The following EHMT1 variants were observed in gnomAD, a reference collection of about 807,000 sequenced individuals.
EHMT1 encodes euchromatic histone lysine methyltransferase 1.
In EHMT1, 15 loss-of-function variants were observed where a neutral mutation model predicts 147.2. The observed-to-expected ratio is 0.10, with a 90% CI of 0.07 to 0.16. EHMT1 has a LOEUF of 0.16. Ranked by LOEUF, EHMT1 falls within the 10% of genes least tolerant of loss-of-function variation. The pLI is 1.00. For synonymous variants in EHMT1, 795 were observed against 709.6 expected, an observed-to-expected ratio of 1.12 and a Z score of -1.91; for missense variants, 1,587 against 1,772.4, an observed-to-expected ratio of 0.90 and a Z score of 1.88.
chr9:137,742,279 A>T (rs1269517946), intron 4 of EHMT1, among the ~76,000 whole-genome samples: 1 of 143,520 alleles, frequency 7.0e-6, no homozygotes, highest in Admixed American at 7.2e-5. Context: ...TGCACTTTGT[A>T]GAACCAAATT....
chr9:137,692,494 G>T (rs955545889), intron 1 of EHMT1, among the ~76,000 whole-genome samples: 1 of 151,952 alleles, frequency 6.6e-6, no homozygotes, highest in African/African-American at 2.4e-5. Context: ...TCGAACTCCT[G>T]ACCTCAGGTG....
intron 4 of EHMT1, among the ~76,000 whole-genome samples, chr9:137,734,663 G>A (rs1415697912): frequency 1.3e-5 from 2 of 152,238 alleles, no homozygotes; most frequent in Non-Finnish European, 2.9e-5. Flanking sequence ...TTATACTTGA[G>A]ACACTTCTGT....
At chr9:137,708,509 G>T (rs1233959459) in intron 1 of EHMT1, among the ~76,000 whole-genome samples, 1 of 152,132 alleles carries the variant, frequency 6.6e-6, no homozygotes, top group African/African-American at 2.4e-5. Flanking sequence ...TTGTTAGGAA[G>T]ATCTTCCCCA....
In EHMT1 at chr9:137,635,724, G is replaced by A. The variant is rs1031799013; in HGVS notation, c.21+16675G>A. 4.6e-5 allele frequency among the ~76,000 whole-genome samples: 7 copies of A among 151,042 alleles called. No individual in the cohort carries two copies. In the South Asian group the frequency reaches 8.4e-4, roughly 18 times the overall value. On this transcript the variant is annotated intron_variant, in intron 1 of 26. Coordinates refer to ENST00000460843, the MANE Select transcript of EHMT1 (RefSeq NM_024757.5). ...AGTTCCAGCTACTCGGGAGGCTGAG[G>A]CAGGAGAATGGCATGAACCTGGGAG... is the stretch of plus-strand genomic sequence containing the variant.
intron 13 of EHMT1, among the ~76,000 whole-genome samples, chr9:137,778,895 G>T (rs534749553): frequency 7.9e-5 from 12 of 152,366 alleles, no homozygotes; most frequent in African/African-American, 1.7e-4. Flanking sequence ...TACAGTCATG[G>T]TGGAAGGCAA....
At chr9:137,714,558 T>TTG (rs1256429469) in intron 2 of EHMT1, among the ~76,000 whole-genome samples, 3 of 129,272 alleles carry the variant, frequency 2.3e-5, no homozygotes, top group Non-Finnish European at 4.6e-5. Flanking sequence ...TTTGCTCATT[T>TTG]TTTTTTTTTT....
chr9:137,643,583 C>T (rs944813530), intron 1 of EHMT1, among the ~76,000 whole-genome samples: 15 of 151,842 alleles, frequency 9.9e-5, no homozygotes, highest in Admixed American at 3.3e-4. Context: ...CTCCTGACCT[C>T]GTGATCTGCC....
intron 6 of EHMT1, among the ~76,000 whole-genome samples, chr9:137,744,844 A>G (rs959560490): frequency 3.9e-5 from 6 of 152,262 alleles, no homozygotes; most frequent in Non-Finnish European, 7.3e-5. Flanking sequence ...GCCTTGTCAC[A>G]GCGGTGCTGT....
intron 10 of EHMT1, among the ~76,000 whole-genome samples, chr9:137,773,997 G>A (rs762481292): frequency 3.9e-5 from 6 of 152,214 alleles, no homozygotes; most frequent in Middle Eastern, 3.4e-3. Flanking sequence ...CTCCACAGGC[G>A]CCTTCAAGTC....
At chr9:137,744,205 A>G in intron 6 of EHMT1, 115 bp downstream of exon 6, 1 of 1,087,482 alleles carries the variant, frequency 9.2e-7, no homozygotes, top group Non-Finnish European at 1.3e-6. Context: ...CCCTGTTTAC[A>G]ATTGGCTTAG....
intron 14 of EHMT1, among the ~76,000 whole-genome samples, chr9:137,781,693 C>T (rs1272397518): frequency 6.6e-6 from 1 of 152,210 alleles, no homozygotes; most frequent in South Asian, 2.1e-4. Context: ...CTCTGACGTT[C>T]ATCGTCTCTG....
At chr9:137,799,932 G>A (rs536677490) in intron 17 of EHMT1, among the ~76,000 whole-genome samples, 1 of 152,376 alleles carries the variant, frequency 6.6e-6, no homozygotes, top group African/African-American at 2.4e-5. Flanking sequence ...GGGGGGCTGG[G>A]CTCCAGGAGG....
chr9:137,758,326 G>A lies in EHMT1; in HGVS notation c.1501+315G>A, dbSNP rs181506214. On this transcript the variant is annotated intron_variant, in intron 9 of 26. Coordinates refer to ENST00000460843, the MANE Select transcript of EHMT1 (RefSeq NM_024757.5). Reference sequence around the variant, plus strand: ...TGCCCACGGCCAGACGCCCTCCCTGGTGGCATCTCAGGACACACGGGGACG... The same window carrying A: ...TGCCCACGGCCAGACGCCCTCCCTGATGGCATCTCAGGACACACGGGGACG... Among the ~76,000 whole-genome samples the A allele has an allele frequency of 1.1e-3, 171 of 152,358 alleles. No individual in the cohort carries two copies. Among genetic ancestry groups the A allele is most frequent in the East Asian group, 4.6e-3 (24 of 5,186 alleles).
At position 137,813,131 on chromosome 9, in the gene EHMT1, C is replaced by G. The variant is rs758862496; in HGVS notation, c.2993C>G (p.Ser998Trp). ...CAGATGAGCAAGGCTCTGCAGGACTCGGCCCCCGACAGGCCCAGCCCCGTG... is the reference window on the plus strand; with the variant it reads ...CAGATGAGCAAGGCTCTGCAGGACTGGGCCCCCGACAGGCCCAGCCCCGTG... Reference protein sequence around the residue: ...ALQMSKALQDSAPDRPSPVER... With the variant: ...ALQMSKALQDWAPDRPSPVER... The change falls in exon 20 of 27, where the codon TCG becomes TGG. Residue 998 changes from serine to tryptophan, a missense_variant. This residue lies in a region of EHMT1 where 78 missense variants were observed against 68.9 expected (regional missense o/e 1.13). Transcript: ENST00000460843. The surrounding 1 kb of genome is among the most constrained non-coding windows in gnomAD (Gnocchi z 4.9). 2 of 1,612,194 alleles carry G rather than the reference C, an allele frequency of 1.2e-6. No homozygotes were observed. The highest frequency in any genetic ancestry group is 1.7e-6 in the Non-Finnish European group (2 of 1,180,026).
At chr9:137,670,922 A>G (rs1589193828) in intron 1 of EHMT1, among the ~76,000 whole-genome samples, 1 of 150,928 alleles carries the variant, frequency 6.6e-6, no homozygotes, top group South Asian at 2.1e-4. Flanking sequence ...TTGCTGCCCT[A>G]CCTCCTGTGG....
At chr9:137,823,149 A>T (rs1323909627) in intron 25 of EHMT1, among the ~76,000 whole-genome samples, 1 of 137,530 alleles carries the variant, frequency 7.3e-6, no homozygotes, top group Non-Finnish European at 1.5e-5. Context: ...CCCAGGCTGG[A>T]GTGCAGTGAC....
chr9:137,788,140 G>A (rs1281835557), intron 15 of EHMT1: 1 of 1,081,174 alleles, frequency 9.2e-7, no homozygotes, highest in South Asian at 1.8e-5. Flanking sequence ...GGCAGGGGTG[G>A]GGTGGTCACT....
At chr9:137,759,797 G>A (rs911084084) in intron 9 of EHMT1, among the ~76,000 whole-genome samples, 1 of 152,216 alleles carries the variant, frequency 6.6e-6, no homozygotes, top group African/African-American at 2.4e-5. Context: ...GGGAGGCAGT[G>A]GTCAAGTGGC....
chr9:137,699,548 G>A (rs558571937), intron 1 of EHMT1, among the ~76,000 whole-genome samples: 3 of 152,156 alleles, frequency 2.0e-5, no homozygotes, highest in East Asian at 1.9e-4. Context: ...ATTGCCATGC[G>A]CCTATAATCC....
Sources: allele counts gnomAD v4.1 joint callset (sites outside exome capture counted in the v4.1 genomes callset), GRCh38; gene constraint gnomAD v4.1.1; regional missense constraint gnomAD v4.1.1; non-coding constraint Gnocchi (gnomAD v3.1); transcripts MANE v1.5; gene names NCBI Gene and HGNC (gene_info 2026-07-23, HGNC 2026-07-21).